Variants in WNT8B observed in about 807,000 individuals in gnomAD.
The protein encoded by WNT8B is Wnt family member 8B, also known as protein Wnt-8b.
In WNT8B, 24 loss-of-function variants were observed where a neutral mutation model predicts 36.6. The observed-to-expected ratio is 0.66, with a 90% CI of 0.48 to 0.92. WNT8B has a LOEUF of 0.92. Ranked by LOEUF, WNT8B falls within the 40% of genes least tolerant of loss-of-function variation. The pLI is 0.00. For synonymous variants in WNT8B, 199 were observed against 189.8 expected, an observed-to-expected ratio of 1.05 and a Z score of -0.40; for missense variants, 402 against 470.8, an observed-to-expected ratio of 0.85 and a Z score of 1.35.
At chr10:100,463,274 G>A in intron 1 of WNT8B, 38 bp downstream of exon 1, 1 of 1,576,978 alleles carries the variant, frequency 6.3e-7, no homozygotes. Context: ...CTGGGAATAG[G>A]TAAGTGTATG....
At chr10:100,479,366 C>T (rs577920132) in intron 2 of WNT8B, among the ~76,000 whole-genome samples, 1 of 152,304 alleles carries the variant, frequency 6.6e-6, no homozygotes, top group African/African-American at 2.4e-5. Flanking sequence ...TGCAAAGTCA[C>T]ACATCCTTCT....
intron 4 of WNT8B, among the ~76,000 whole-genome samples, 163 bp downstream of exon 4, chr10:100,481,286 G>A (rs1851107959): frequency 6.6e-6 from 1 of 152,144 alleles, no homozygotes; most frequent in Admixed American, 6.5e-5. Context: ...GACAAGCCAG[G>A]CTAAATGTAG....
At chr10:100,470,835 A>G (rs1331812559) in intron 1 of WNT8B, among the ~76,000 whole-genome samples, 2 of 152,128 alleles carry the variant, frequency 1.3e-5, no homozygotes, top group Admixed American at 1.3e-4. Context: ...TCCGCCTCCC[A>G]GGTTCAAGCG....
intron 3 of WNT8B, 55 bp from the exon 4 acceptor site, chr10:100,480,943 T>C (rs889718711): frequency 2.3e-5 from 37 of 1,590,680 alleles, no homozygotes; most frequent in Non-Finnish European, 2.3e-5. Flanking sequence ...GCATGTCTGG[T>C]ATTTCTTTAA....
At chr10:100,479,201 C>A in intron 2 of WNT8B, 116 bp downstream of exon 2, 1 of 986,242 alleles carries the variant, frequency 1.0e-6, no homozygotes, top group Non-Finnish European at 1.4e-6. Context: ...GTATACATTA[C>A]AGATAGAAAG....
rs772021381 is a variant in WNT8B, at chr10:100,482,097, T to G, written c.510+43T>G. 3.1e-6 allele frequency: 5 copies of G among 1,611,326 alleles called. No homozygotes were observed. The East Asian group carries it at 6.7e-5, about 22-fold the overall frequency. On this transcript the variant is annotated intron_variant, in intron 5 of 5. Transcript: ENST00000343737. The surrounding 1 kb of genome is among the most constrained non-coding windows in gnomAD (Gnocchi z 6.6). ...TGGAAATAGGCAGCTGCTGGCTATA[T>G]CCACTACCAGCTCCAGGTGCGGACA... is the stretch of plus-strand genomic sequence containing the variant.
intron 1 of WNT8B, among the ~76,000 whole-genome samples, chr10:100,478,770 C>A (rs1258803480): frequency 6.6e-6 from 1 of 151,952 alleles, no homozygotes. Context: ...TTAGCAGAGA[C>A]GGGGTTTCAC....
chr10:100,473,614 C>G (rs1274989167), intron 1 of WNT8B, among the ~76,000 whole-genome samples: 1 of 152,084 alleles, frequency 6.6e-6, no homozygotes. Context: ...GTACTTCATT[C>G]CTTTATATGG....
In WNT8B at chr10:100,482,134, C is replaced by A; in HGVS notation, c.510+80C>A. ...TCCAGGTGCGGACAACTCTTCAGTTCATTTAAAAGATTGGCAAAATGAGGT... is the reference window on the plus strand; with the variant it reads ...TCCAGGTGCGGACAACTCTTCAGTTAATTTAAAAGATTGGCAAAATGAGGT... On this transcript the variant is annotated intron_variant, in intron 5 of 5. Transcript: ENST00000343737. The surrounding 1 kb of genome is among the most constrained non-coding windows in gnomAD (Gnocchi z 6.6). 6.3e-7 allele frequency: 1 copy of A among 1,588,998 alleles called. No homozygotes were observed. The highest frequency in any genetic ancestry group is 1.1e-5 in the South Asian group (1 of 88,898).
In WNT8B at chr10:100,482,759, T is replaced by C; in HGVS notation, c.999T>C (p.Cys333=). Residue 333 remains cysteine, a synonymous_variant, in exon 6 of 6, where the codon TGT becomes TGC. Coordinates refer to ENST00000343737, the MANE Select transcript of WNT8B (RefSeq NM_003393.4). The surrounding 1 kb of genome is among the most constrained non-coding windows in gnomAD (Gnocchi z 6.6). The stretch of plus-strand genomic sequence containing the variant: ...GCCGGAGGGTCACCAAGTACTTCTG[T>C]AGCCGCGCAGAGCGGCCGCGGGGGG... ...QCRRRVTKYF[C]SRAERPRGGA... 6.3e-7 allele frequency: 1 copy of C among 1,596,190 alleles called. No individual in the cohort carries two copies. The highest frequency in any genetic ancestry group is 8.5e-7 in the Non-Finnish European group (1 of 1,170,622).
intron 1 of WNT8B, among the ~76,000 whole-genome samples, chr10:100,466,378 A>G (rs2133649268): frequency 6.6e-6 from 1 of 152,308 alleles, no homozygotes; most frequent in East Asian, 1.9e-4. Flanking sequence ...AGACATAACC[A>G]GAGAAGTTTA....
At chr10:100,472,379 T>C (rs939181512) in intron 1 of WNT8B, among the ~76,000 whole-genome samples, 46 of 152,136 alleles carry the variant, frequency 3.0e-4, no homozygotes, top group Admixed American at 1.0e-3. Context: ...ATTACAGGCA[T>C]GAGCCACCAC....
Position 100,482,208 on chromosome 10 carries a change from C to A in WNT8B, c.511-63C>A. The A allele has an allele frequency of 6.5e-7, 1 of 1,536,822 alleles. No individual in the cohort carries two copies. Among genetic ancestry groups the A allele is most frequent in the East Asian group, 2.3e-5 (1 of 43,868 alleles). ...CTAACTAGACTTCTCGCAACTCCCA[C>A]AGGGGCAGTTAAACTCGCCACGCGC... On this transcript the variant is annotated intron_variant, in intron 5 of 5. Coordinates refer to ENST00000343737, the MANE Select transcript of WNT8B (RefSeq NM_003393.4). The surrounding 1 kb of genome is among the most constrained non-coding windows in gnomAD (Gnocchi z 6.6).
chr10:100,469,259 T>C (rs7900678), intron 1 of WNT8B, among the ~76,000 whole-genome samples: 33,271 of 152,102 alleles, frequency 0.22, 3,739 homozygotes, highest in South Asian at 0.23. Flanking sequence ...CCCAACCAGT[T>C]AGCACTAGCT....
chr10:100,464,224 T>TAGGAGTGTTGATAGGA (rs1850887315), intron 1 of WNT8B, among the ~76,000 whole-genome samples: 2 of 152,228 alleles, frequency 1.3e-5, no homozygotes, highest in Non-Finnish European at 2.9e-5. Context: ...GCCGTCTTTA[T>TAGGAGTGTTGATAGGA]AGGAGTGTTG....
intron 1 of WNT8B, among the ~76,000 whole-genome samples, chr10:100,470,473 G>A (rs1850964034): frequency 6.6e-6 from 1 of 151,616 alleles, no homozygotes; most frequent in Admixed American, 6.6e-5. Flanking sequence ...TCAAGCAATC[G>A]GCCCACTTTG....
Position 100,477,707 on chromosome 10 carries a change from GTCTT to G in WNT8B, c.69-1343_69-1340del, listed in dbSNP as rs529174454. Among the ~76,000 whole-genome samples the G allele has an allele frequency of 1.7e-4, 26 of 152,108 alleles. No individual in the cohort carries two copies. In the East Asian group the frequency reaches 5.0e-3, roughly 29 times the overall value. ...GGTACAAATTTCTGAGTGAAAGTAA[GTCTT>G]TATTTCTCTGGGATAAATGCCCAAG... On this transcript the variant is annotated intron_variant, in intron 1 of 5. Transcript: ENST00000343737.
Position 100,482,538 on chromosome 10 carries a change from A to C in WNT8B, c.778A>C (p.Lys260Gln), listed in dbSNP as rs1370467428. The C allele has an allele frequency of 6.3e-7, 1 of 1,599,704 alleles. No homozygotes were observed. Among genetic ancestry groups the C allele is most frequent in the Non-Finnish European group, 8.5e-7 (1 of 1,179,328 alleles). ...EDSPDYCLEN[K>Q]TLGLLGTEGR... ...CTCCCCGGACTACTGCCTGGAGAAC[A>C]AAACGCTAGGGCTGCTGGGCACCGA... Residue 260 changes from lysine to glutamine, a missense_variant, in exon 6 of 6, where the codon AAA becomes CAA. Lys to Gln is a moderately conservative substitution (Grantham distance 53, BLOSUM62 1). Transcript: ENST00000343737. The surrounding 1 kb of genome is among the most constrained non-coding windows in gnomAD (Gnocchi z 6.6).
chr10:100,476,334 C>T (rs1403778974), intron 1 of WNT8B, among the ~76,000 whole-genome samples: 3 of 151,958 alleles, frequency 2.0e-5, no homozygotes, highest in African/African-American at 4.8e-5. Context: ...TTTTGATAGA[C>T]TTCATAGTAT....
Sources: gnomAD v4.1 joint callset for allele counts (sites outside exome capture counted in the v4.1 genomes callset) on GRCh38, gnomAD v4.1.1 for gene constraint, Gnocchi (gnomAD v3.1) non-coding constraint, MANE v1.5 for transcripts, NCBI Gene and HGNC (gene_info 2026-07-23, HGNC 2026-07-21) for gene names.